The following PPARGC1A variants were observed in gnomAD, a reference collection of about 807,000 sequenced individuals.
The protein encoded by PPARGC1A is PPARG coactivator 1 alpha, also known as peroxisome proliferator-activated receptor gamma coactivator 1-alpha.
In PPARGC1A, 25 loss-of-function variants were observed where a neutral mutation model predicts 88.7. The ratio of observed to expected loss-of-function variants is 0.28; its 90% CI spans 0.21 to 0.39. The LOEUF (loss-of-function observed/expected upper bound fraction) is 0.39. Among genes scored for constraint, PPARGC1A ranks in the 10% least tolerant of loss-of-function variants. The pLI, the probability that PPARGC1A is intolerant of heterozygous loss-of-function variation, is 1.00. For synonymous variants in PPARGC1A, 363 were observed against 355.6 expected (o/e 1.02, Z -0.24); for missense variants, 880 against 968.7 (o/e 0.91, Z 1.22).
chr4:24,468,773 T>C, the PPARGC1A span, among the ~76,000 whole-genome samples: 1 of 149,420 alleles, frequency 6.7e-6, no homozygotes, highest in African/African-American at 2.5e-5. Context: ...ATCTTCATTA[T>C]TTTTTTTTTA....
chr4:24,158,921 A>T, the PPARGC1A span, among the ~76,000 whole-genome samples: 954 of 152,278 alleles, frequency 6.3e-3, 10 homozygotes, highest in African/African-American at 0.022. Context: ...ACCTTTTCCT[A>T]CATCTTATCA....
chr4:24,318,333 G>T, the PPARGC1A span, among the ~76,000 whole-genome samples: 1 of 152,158 alleles, frequency 6.6e-6, no homozygotes, highest in Non-Finnish European at 1.5e-5. Flanking sequence ...CTGTTTCTAA[G>T]GTCTCTGAGA....
the PPARGC1A span, among the ~76,000 whole-genome samples, chr4:24,131,801 G>C: frequency 1.4e-4 from 22 of 152,258 alleles, 1 homozygote; most frequent in Admixed American, 1.3e-3. Flanking sequence ...AAAGGAAGCT[G>C]ACTCTTTTAA....
chr4:23,841,148 A>G (rs941213463), intron 2 of PPARGC1A, among the ~76,000 whole-genome samples: 1 of 152,116 alleles, frequency 6.6e-6, no homozygotes, highest in Admixed American at 6.6e-5. Context: ...TCAAGCAATC[A>G]ATTTGCAAAC....
At chr4:24,125,145 G>A in the PPARGC1A span, among the ~76,000 whole-genome samples, 1 of 152,164 alleles carries the variant, frequency 6.6e-6, no homozygotes, top group African/African-American at 2.4e-5. Context: ...ACTTTAGGCA[G>A]AATAATGAGC....
chr4:23,904,449 C>T (rs968010401), upstream of PPARGC1A, among the ~76,000 whole-genome samples: 3 of 152,176 alleles, frequency 2.0e-5, no homozygotes, highest in Non-Finnish European at 4.4e-5. Context: ...CCATTCAGGA[C>T]ATCCATCCAT....
chr4:24,427,278 ATTTAT>A, the PPARGC1A span, among the ~76,000 whole-genome samples: 1 of 144,224 alleles, frequency 6.9e-6, no homozygotes, highest in East Asian at 2.2e-4. Flanking sequence ...TCTATTCTTT[ATTTAT>A]TTTTTTTTTT....
the PPARGC1A span, among the ~76,000 whole-genome samples, chr4:24,382,737 T>C: frequency 2.0e-5 from 3 of 152,190 alleles, no homozygotes; most frequent in African/African-American, 7.2e-5. Context: ...GCAGCACCAG[T>C]CAGGGGCTTA....
the PPARGC1A span, among the ~76,000 whole-genome samples, chr4:24,273,343 G>A: frequency 5.9e-5 from 9 of 152,096 alleles, no homozygotes; most frequent in African/African-American, 1.9e-4. Context: ...AATTCCTGTC[G>A]TGTCTTTCTT....
At chr4:23,819,400 G>A (rs1310816934) in intron 7 of PPARGC1A, among the ~76,000 whole-genome samples, 2 of 152,106 alleles carry the variant, frequency 1.3e-5, no homozygotes, top group African/African-American at 4.8e-5. Flanking sequence ...TAACAAACTG[G>A]CCTTGGAGAA....
the PPARGC1A span, among the ~76,000 whole-genome samples, chr4:24,149,610 TG>T: frequency 6.6e-6 from 1 of 152,182 alleles, no homozygotes; most frequent in African/African-American, 2.4e-5. Context: ...GTGAATGAGC[TG>T]TGCAGTTTGT....
At chr4:23,935,179 AG>A in the PPARGC1A span, among the ~76,000 whole-genome samples, 1 of 152,184 alleles carries the variant, frequency 6.6e-6, no homozygotes, top group African/African-American at 2.4e-5. Context: ...CCTGGGAGGT[AG>A]GGTGAGCAGG....
the PPARGC1A span, among the ~76,000 whole-genome samples, chr4:24,326,390 G>T: frequency 6.6e-6 from 1 of 151,982 alleles, no homozygotes; most frequent in African/African-American, 2.4e-5. Context: ...CCACCCCATG[G>T]TGCCAAACCC....
At chr4:24,126,903 G>A in the PPARGC1A span, among the ~76,000 whole-genome samples, 1 of 152,230 alleles carries the variant, frequency 6.6e-6, no homozygotes, top group South Asian at 2.1e-4. Flanking sequence ...AGGGCATCAC[G>A]AGGACTTCCC....
At chr4:24,145,078 A>T in the PPARGC1A span, among the ~76,000 whole-genome samples, 2 of 144,218 alleles carry the variant, frequency 1.4e-5, no homozygotes, top group East Asian at 2.1e-4. Context: ...GTGTTGAATG[A>T]GTGTGTGTGT....
At chr4:24,146,201 T>A in the PPARGC1A span, among the ~76,000 whole-genome samples, 17 of 152,212 alleles carry the variant, frequency 1.1e-4, no homozygotes, top group African/African-American at 4.1e-4. Flanking sequence ...GAGTCACTCT[T>A]CTATTAGTCC....
the PPARGC1A span, among the ~76,000 whole-genome samples, chr4:24,069,718 A>G: frequency 2.6e-5 from 4 of 152,364 alleles, no homozygotes; most frequent in South Asian, 8.3e-4. Context: ...GAATAAATAC[A>G]TGTTGCAAAG....
At chr4:23,952,110 T>C in the PPARGC1A span, among the ~76,000 whole-genome samples, 1 of 152,138 alleles carries the variant, frequency 6.6e-6, no homozygotes, top group Admixed American at 6.5e-5. Flanking sequence ...AAATGCCATA[T>C]TGCATTTTAT....
the PPARGC1A span, among the ~76,000 whole-genome samples, chr4:24,094,442 C>T: frequency 2.6e-5 from 4 of 152,218 alleles, no homozygotes; most frequent in African/African-American, 9.6e-5. Flanking sequence ...ACTATTTTCT[C>T]TTCCTTTTCC....
Sources: allele counts gnomAD v4.1 joint callset (sites outside exome capture counted in the v4.1 genomes callset), GRCh38; gene constraint gnomAD v4.1.1; transcripts MANE v1.5; gene names NCBI Gene and HGNC (gene_info 2026-07-23, HGNC 2026-07-21).